CSNK1E: variants seen among roughly 807,000 people sequenced by gnomAD.
CSNK1E encodes the protein casein kinase 1 epsilon, also known as casein kinase I isoform epsilon.
CSNK1E carries 17 observed loss-of-function variants against 46.1 expected under a neutral mutation model. That is an observed-to-expected ratio of 0.37 (90% confidence interval 0.25 to 0.55). The LOEUF (loss-of-function observed/expected upper bound fraction) is 0.55. Among genes scored for constraint, CSNK1E ranks in the 20% least tolerant of loss-of-function variants. CSNK1E has a pLI of 0.82. For synonymous variants in CSNK1E, 241 were observed against 242.6 expected, an observed-to-expected ratio of 0.99 and a Z score of 0.06; for missense variants, 386 against 595.4, an observed-to-expected ratio of 0.65 and a Z score of 3.66.
Position 38,294,559 on chromosome 22 carries a change from C to T in CSNK1E, c.886-25G>A, listed in dbSNP as rs1449917320. On this transcript the variant is annotated intron_variant, in intron 7 of 10. Transcript: ENST00000396832. This position sits in a 1 kb window ranked among gnomAD's most constrained non-coding sequence, Gnocchi z 5.5. ...CCTGCAGGGATGCAAGAAAAGACAC[C>T]AGTCAGCCCCAGAGGCCAGGGTGCT... is the stretch of plus-strand genomic sequence containing the variant. 3 of 1,556,210 alleles carry T rather than the reference C, an allele frequency of 1.9e-6. No homozygotes were observed. Among genetic ancestry groups the T allele is most frequent in the Non-Finnish European group, 2.6e-6 (3 of 1,153,208 alleles).
At position 38,294,019 on chromosome 22, in the gene CSNK1E, AG is replaced by A. The variant is rs1266515186; in HGVS notation, c.1218+89del. ...TCCAAGGCAAGCAGCGTCGATGGAA[AG>A]GGAAGAACAGAGCCACGGCCTGACC... is the stretch of plus-strand genomic sequence containing the variant. On this transcript the variant is annotated intron_variant, in intron 9 of 10. Coordinates refer to ENST00000396832, the MANE Select transcript of CSNK1E (RefSeq NM_152221.3). This position sits in a 1 kb window ranked among gnomAD's most constrained non-coding sequence, Gnocchi z 5.5. The A allele has an allele frequency of 6.2e-6, 9 of 1,448,898 alleles. No individual in the cohort carries two copies. The highest frequency in any genetic ancestry group is 9.3e-7 in the Non-Finnish European group (1 of 1,075,078). The allele number at this position is 1,448,898 out of a possible 1,614,324, so 89.8% of individuals were successfully genotyped here.
At position 38,299,913 on chromosome 22, in the gene CSNK1E, G is replaced by A; in HGVS notation, c.718C>T (p.Leu240Phe). 2.5e-6 allele frequency: 4 copies of A among 1,614,150 alleles called. No homozygotes were observed. The highest frequency in any genetic ancestry group is 3.4e-6 in the Non-Finnish European group (4 of 1,180,008). Residue 240 changes from leucine (L) to phenylalanine (F), a missense_variant, in exon 6 of 11, where the codon CTC becomes TTC. Around this residue, in one of 2 missense-constraint regions of CSNK1E, gnomAD observed 212 missense variants for 410.2 expected, o/e 0.52. Transcript: ENST00000396832. ...TACTCACAGGGATAGCCTTTGCAGAGGACCTCGATGGGCGTTGACATCTTC... is the reference window on the plus strand; with the variant it reads ...TACTCACAGGGATAGCCTTTGCAGAAGACCTCGATGGGCGTTGACATCTTC... ...EKKMSTPIEVLCKGYPSEFST... is the reference protein window; with the variant it reads ...EKKMSTPIEVFCKGYPSEFST...
chr22:38,307,373 AC>A (rs752290817), intron 2 of CSNK1E, among the ~76,000 whole-genome samples: 13 of 152,114 alleles, frequency 8.5e-5, no homozygotes, highest in Non-Finnish European at 1.6e-4. Context: ...CCATGATGAA[AC>A]CCCATCTCTA....
At chr22:38,304,026 C>T (rs1271814236) in intron 2 of CSNK1E, among the ~76,000 whole-genome samples, 1 of 152,208 alleles carries the variant, frequency 6.6e-6, no homozygotes, top group African/African-American at 2.4e-5. Flanking sequence ...CACTGCCCAA[C>T]TCAAGAAGTC....
At chr22:38,301,393 G>A (rs372414242) in intron 4 of CSNK1E, among the ~76,000 whole-genome samples, 3 of 152,124 alleles carry the variant, frequency 2.0e-5, no homozygotes, top group Non-Finnish European at 2.9e-5. Context: ...CAGGGCTTCC[G>A]AAGGATGCCA....
chr22:38,307,584 C>G (rs135756), intron 2 of CSNK1E, among the ~76,000 whole-genome samples: 138,035 of 152,330 alleles, frequency 0.91, 62,599 homozygotes, highest in African/African-American at 0.94. Flanking sequence ...ATGCGCGTAG[C>G]TTATATACAA....
intron 1 of CSNK1E, among the ~76,000 whole-genome samples, chr22:38,315,295 C>G (rs533096437): frequency 3.9e-5 from 6 of 152,356 alleles, no homozygotes; most frequent in Admixed American, 3.3e-4. Context: ...ACCAGGCCAG[C>G]CTGGGAGGGA....
In CSNK1E at chr22:38,300,079, C is replaced by CAA; in HGVS notation, c.566-16_566-15dup. On this transcript the variant is annotated splice_polypyrimidine_tract_variant and intron_variant, in intron 5 of 10. Transcript: ENST00000396832. The surrounding 1 kb of genome is among the most constrained non-coding windows in gnomAD (Gnocchi z 4.4). ...GACGGCTTTGCTCTGCACAGAGAGT[C>CAA]AAAGACTAGGTGAGGGACAGGGGTC... 1.9e-6 allele frequency: 3 copies of CAA among 1,611,462 alleles called. No individual in the cohort carries two copies. The highest frequency in any genetic ancestry group is 2.5e-6 in the Non-Finnish European group (3 of 1,178,382).
In CSNK1E at chr22:38,309,697, T is replaced by C. The variant is rs1367512950; in HGVS notation, c.76+4385A>G. On this transcript the variant is annotated intron_variant, in intron 2 of 10. Transcript: ENST00000396832. This position sits in a 1 kb window ranked among gnomAD's most constrained non-coding sequence, Gnocchi z 4.8. Reference sequence around the variant, plus strand: ...CTCAAACTCCTGACCTCAAATGATCTGCCCGCCTTGGTCTCCCAAGTGCTG... The same window carrying C: ...CTCAAACTCCTGACCTCAAATGATCCGCCCGCCTTGGTCTCCCAAGTGCTG... Among the ~76,000 whole-genome samples, 4 of 152,200 alleles carry C rather than the reference T, an allele frequency of 2.6e-5. No individual in the cohort carries two copies. The highest frequency in any genetic ancestry group is 1.9e-4 in the East Asian group (1 of 5,192).
intron 7 of CSNK1E, chr22:38,296,796 T>C: frequency 2.1e-6 from 3 of 1,398,302 alleles, no homozygotes; most frequent in Non-Finnish European, 2.9e-6. Context: ...AATGGTCCCA[T>C]CTGCCTTGCC....
chr22:38,305,555 GCTA>G (rs1381080308), intron 2 of CSNK1E, among the ~76,000 whole-genome samples: 1 of 151,794 alleles, frequency 6.6e-6, no homozygotes, highest in Non-Finnish European at 1.5e-5. Flanking sequence ...CAGGCAAAGA[GCTA>G]ATATGTAATG....
At chr22:38,317,774 A>C (rs963329113), upstream of CSNK1E, among the ~76,000 whole-genome samples, 5 of 152,058 alleles carry the variant, frequency 3.3e-5, no homozygotes, top group African/African-American at 1.2e-4. Context: ...GCCTGCCAGG[A>C]TCTCTCTCCT....
intron 2 of CSNK1E, among the ~76,000 whole-genome samples, chr22:38,313,071 G>A (rs570525526): frequency 2.0e-4 from 31 of 152,238 alleles, no homozygotes; most frequent in African/African-American, 7.5e-4. Context: ...CCCAGTCTCC[G>A]TCCCCGTCTC....
At position 38,303,123 on chromosome 22, in the gene CSNK1E, C is replaced by T; in HGVS notation, c.187+15G>A. The T allele has an allele frequency of 6.2e-7, 1 of 1,602,916 alleles. No individual in the cohort carries two copies. Among genetic ancestry groups the T allele is most frequent in the African/African-American group, 1.3e-5 (1 of 74,866 alleles). On this transcript the variant is annotated intron_variant, in intron 3 of 10. Transcript: ENST00000396832. This position sits in a 1 kb window ranked among gnomAD's most constrained non-coding sequence, Gnocchi z 4.7. ...CCACCCACCCGGCGCCCGCCGCCGC[C>T]CACCCTGCGCTCACCGCCACCCTGC...
chr22:38,306,999 T>C (rs1252332667), intron 2 of CSNK1E, among the ~76,000 whole-genome samples: 1 of 151,908 alleles, frequency 6.6e-6, no homozygotes, highest in Non-Finnish European at 1.5e-5. Context: ...AGTGAGACCC[T>C]ATCTCTACAA....
Position 38,314,112 on chromosome 22 carries a change from C to G in CSNK1E, c.46G>C (p.Gly16Arg). Reference protein sequence around the residue: ...GNKYRLGRKIGSGSFGDIYLG... With the variant: ...GNKYRLGRKIRSGSFGDIYLG... ...TAGATATCTCCGAAGGACCCGCTCC[C>G]GATCTTCCGTCCCAGGCGGTACTTG... The change falls in exon 2 of 11, where the codon GGG (glycine) becomes CGG (arginine). Residue 16 changes from glycine to arginine, a missense_variant. Gly to Arg is a moderately radical substitution (Grantham distance 125). Transcript: ENST00000396832. 1 of 1,614,106 alleles carries G rather than the reference C, an allele frequency of 6.2e-7. No individual in the cohort carries two copies. Among genetic ancestry groups the G allele is most frequent in the Non-Finnish European group, 8.5e-7 (1 of 1,179,968 alleles).
chr22:38,313,754 A>C (rs1254238343), intron 2 of CSNK1E, among the ~76,000 whole-genome samples: 1 of 152,202 alleles, frequency 6.6e-6, no homozygotes, highest in Non-Finnish European at 1.5e-5. Context: ...CCCAGGAAGC[A>C]GGGGAGAGGA....
rs752774561 is a variant in CSNK1E at position 38,298,130 on chromosome 22, CA to C, written c.885+655del. The C allele has an allele frequency of 5.4e-6, 7 of 1,290,522 alleles. No homozygotes were observed. In the Admixed American group the frequency reaches 7.1e-5, roughly 13 times the overall value. The allele number at this position is 1,290,522 out of a possible 1,614,324, so 79.9% of individuals were successfully genotyped here. Reference sequence around the variant, plus strand: ...TGAGTACGTGGGCCCAGCACAGGGACAGGGGCGGGGACAGAAAGGTCCCTTC... The same window carrying C: ...TGAGTACGTGGGCCCAGCACAGGGACGGGGCGGGGACAGAAAGGTCCCTTC... On this transcript the variant is annotated intron_variant, in intron 7 of 10. Coordinates refer to ENST00000396832, the MANE Select transcript of CSNK1E (RefSeq NM_152221.3). The surrounding 1 kb of genome is among the most constrained non-coding windows in gnomAD (Gnocchi z 4.2).
At position 38,291,741 on chromosome 22, in the gene CSNK1E, G is replaced by A. The variant is rs2092611753; in HGVS notation, c.*230C>T. ...TCAGGGGAGCATCTGGCAGCCTGAA[G>A]GTTGGGGGCAGCGGGCACCACAAGG... On this transcript the variant is annotated 3_prime_UTR_variant, in exon 11 of 11. Coordinates refer to ENST00000396832, the MANE Select transcript of CSNK1E (RefSeq NM_152221.3). 6.6e-6 allele frequency: 1 copy of A among 152,502 alleles called. No homozygotes were observed. The highest frequency in any genetic ancestry group is 2.1e-4 in the South Asian group (1 of 4,836). The allele number at this position is 152,502 out of a possible 1,614,324, so 9.4% of individuals were successfully genotyped here.
Sources: gnomAD v4.1 joint callset for allele counts (sites outside exome capture counted in the v4.1 genomes callset) on GRCh38, gnomAD v4.1.1 for gene constraint, gnomAD v4.1.1 regional missense constraint, Gnocchi (gnomAD v3.1) non-coding constraint, MANE v1.5 for transcripts, NCBI Gene and HGNC (gene_info 2026-07-23, HGNC 2026-07-21) for gene names.